The following WWOX variants were observed in gnomAD, a reference collection of about 807,000 sequenced individuals.
WWOX encodes the protein WW domain containing oxidoreductase, also known as WW domain-containing oxidoreductase.
A neutral mutation model predicts 46.2 loss-of-function variants in WWOX; 69 were observed. That is an observed-to-expected ratio of 1.49 (90% CI 1.23 to 1.82). The LOEUF is 1.82. Among genes scored for constraint, WWOX ranks in the 40% most tolerant of loss-of-function variants. The pLI, the probability that WWOX is intolerant of heterozygous loss-of-function variation, is 0.00. For synonymous variants in WWOX, 359 were observed against 202.6 expected, an observed-to-expected ratio of 1.77 and a Z score of -6.56; for missense variants, 919 against 542.6, an observed-to-expected ratio of 1.69 and a Z score of -6.89.
At chr16:79,046,173 C>T (rs2048062104) in intron 8 of WWOX, among the ~76,000 whole-genome samples, 1 of 152,160 alleles carries the variant, frequency 6.6e-6, no homozygotes, top group Non-Finnish European at 1.5e-5. Context: ...ATGTTCATTG[C>T]TCAAGAGAAG....
intron 6 of WWOX, among the ~76,000 whole-genome samples, chr16:78,416,562 G>A (rs532657276): frequency 1.2e-4 from 18 of 152,306 alleles, no homozygotes; most frequent in Middle Eastern, 3.4e-3. Flanking sequence ...TTGCCTCCAG[G>A]CCTGTCTTTG....
chr16:79,182,063 C>G (rs550459718), intron 8 of WWOX, among the ~76,000 whole-genome samples: 1 of 151,812 alleles, frequency 6.6e-6, no homozygotes, highest in East Asian at 1.9e-4. Context: ...GGGGAACCTT[C>G]CAACATCCCC....
At chr16:78,269,330 C>T (rs904968733) in intron 5 of WWOX, among the ~76,000 whole-genome samples, 11 of 152,154 alleles carry the variant, frequency 7.2e-5, no homozygotes, top group Admixed American at 3.9e-4. Flanking sequence ...TCTGCAAACC[C>T]GGATAGACTG....
intron 8 of WWOX, among the ~76,000 whole-genome samples, chr16:79,187,575 C>A (rs990000077): frequency 6.6e-6 from 1 of 152,140 alleles, no homozygotes; most frequent in Non-Finnish European, 1.5e-5. Flanking sequence ...CCACCACGCC[C>A]AGCTGATTTT....
intron 8 of WWOX, among the ~76,000 whole-genome samples, chr16:78,694,824 C>CT (rs201555301): frequency 0.022 from 3,259 of 147,770 alleles, 89 homozygotes; most frequent in African/African-American, 0.062. Flanking sequence ...CCCCACTACT[C>CT]TTTTTTTTTT....
chr16:78,822,439 A>T (rs1406015357), intron 8 of WWOX, among the ~76,000 whole-genome samples: 1 of 152,180 alleles, frequency 6.6e-6, no homozygotes, highest in Non-Finnish European at 1.5e-5. Flanking sequence ...GGTTGCAGTC[A>T]GCTGAGACTG....
chr16:79,058,821 T>G (rs887670097), intron 8 of WWOX, among the ~76,000 whole-genome samples: 2 of 152,226 alleles, frequency 1.3e-5, no homozygotes, highest in African/African-American at 4.8e-5. Context: ...AAATTCAAAT[T>G]TCAATGAAGA....
intron 5 of WWOX, among the ~76,000 whole-genome samples, chr16:78,288,528 G>A (rs1003093000): frequency 1.3e-5 from 2 of 152,160 alleles, no homozygotes; most frequent in Non-Finnish European, 2.9e-5. Flanking sequence ...CAAAGGAGAA[G>A]AAATATATTT....
chr16:78,740,183 T>A (rs2049183405), intron 8 of WWOX, among the ~76,000 whole-genome samples: 1 of 152,116 alleles, frequency 6.6e-6, no homozygotes, highest in Non-Finnish European at 1.5e-5. Flanking sequence ...GAGAGTGAGC[T>A]CCAGCACCAT....
intron 8 of WWOX, among the ~76,000 whole-genome samples, chr16:79,167,644 G>C (rs1013628520): frequency 2.0e-5 from 3 of 152,192 alleles, no homozygotes; most frequent in Non-Finnish European, 2.9e-5. Flanking sequence ...GGTTATCCAA[G>C]TCAAATAAGA....
chr16:78,851,066 A>C (rs2052431518), intron 8 of WWOX, among the ~76,000 whole-genome samples: 1 of 152,188 alleles, frequency 6.6e-6, no homozygotes, highest in Non-Finnish European at 1.5e-5. Flanking sequence ...GTAGGTGTGG[A>C]CAGTGAGGCC....
At chr16:79,077,410 G>C (rs1305546769) in intron 8 of WWOX, 1 of 152,168 alleles carries the variant, frequency 6.6e-6, no homozygotes, top group Non-Finnish European at 1.5e-5. Flanking sequence ...TGCATGCACA[G>C]AGACCTGATG....
At chr16:78,692,991 T>A (rs993573168) in intron 8 of WWOX, among the ~76,000 whole-genome samples, 2 of 152,180 alleles carry the variant, frequency 1.3e-5, no homozygotes, top group African/African-American at 4.8e-5. Flanking sequence ...TGCTATGGGG[T>A]TGCATCCACG....
At chr16:78,104,230 A>C (rs1000560495) in intron 1 of WWOX, among the ~76,000 whole-genome samples, 1 of 117,826 alleles carries the variant, frequency 8.5e-6, no homozygotes, top group Non-Finnish European at 1.8e-5. Flanking sequence ...ACTGTGCTCA[A>C]AACACACACA....
intron 8 of WWOX, among the ~76,000 whole-genome samples, chr16:78,683,837 G>T (rs1227736470): frequency 6.6e-6 from 1 of 152,194 alleles, no homozygotes. Flanking sequence ...TTTTCTGAGT[G>T]TTTAATTCGG....
At chr16:78,578,350 C>A (rs375118063) in intron 8 of WWOX, among the ~76,000 whole-genome samples, 1 of 123,428 alleles carries the variant, frequency 8.1e-6, no homozygotes, top group African/African-American at 3.2e-5. Flanking sequence ...AGTGCAGTGG[C>A]GCAATCTCGG....
At chr16:78,464,063 A>C (rs994923918) in intron 8 of WWOX, among the ~76,000 whole-genome samples, 1 of 152,188 alleles carries the variant, frequency 6.6e-6, no homozygotes, top group African/African-American at 2.4e-5. Flanking sequence ...TGATCAGAGC[A>C]CACCCACACC....
chr16:79,183,960 T>C (rs2050963602), intron 8 of WWOX, among the ~76,000 whole-genome samples: 1 of 152,208 alleles, frequency 6.6e-6, no homozygotes, highest in African/African-American at 2.4e-5. Context: ...TTTGGTGTCG[T>C]GCTTGCCTTT....
intron 5 of WWOX, among the ~76,000 whole-genome samples, chr16:78,258,707 C>CAAAA (rs11396946): frequency 2.9e-5 from 2 of 69,586 alleles, no homozygotes; most frequent in African/African-American, 5.3e-5. Flanking sequence ...TTCCTCCCTC[C>CAAAA]AAAAAAAAAA....
Sources: gnomAD v4.1 joint callset for allele counts (sites outside exome capture counted in the v4.1 genomes callset) on GRCh38, gnomAD v4.1.1 for gene constraint, MANE v1.5 for transcripts, NCBI Gene and HGNC (gene_info 2026-07-23, HGNC 2026-07-21) for gene names.